The following PHF2 variants were observed in gnomAD, a reference collection of about 807,000 sequenced individuals.
PHF2 encodes lysine-specific demethylase PHF2.
In PHF2, 27 loss-of-function variants were observed where a neutral mutation model predicts 120.5. That is an observed-to-expected ratio of 0.22 (90% CI 0.17 to 0.31). PHF2 has a LOEUF of 0.31. PHF2 is among the 10% of genes least tolerant of loss of function. PHF2 has a pLI of 1.00. For synonymous variants in PHF2, 568 were observed against 592.5 expected (o/e 0.96, Z 0.60); for missense variants, 1,024 against 1,434.8 (o/e 0.71, Z 4.63).
At chr9:93,609,200 C>G (rs1374672679) in intron 1 of PHF2, among the ~76,000 whole-genome samples, 2 of 151,686 alleles carry the variant, frequency 1.3e-5, no homozygotes, top group Non-Finnish European at 2.9e-5. Flanking sequence ...TAATTGTTCC[C>G]TCCCATACCT....
intron 2 of PHF2, among the ~76,000 whole-genome samples, chr9:93,635,968 C>A (rs572132975): frequency 6.6e-6 from 1 of 152,050 alleles, no homozygotes; most frequent in Non-Finnish European, 1.5e-5. Flanking sequence ...CTGACCTGCC[C>A]CTGTCTGTGG....
At chr9:93,642,003 T>C (rs12341865) in intron 3 of PHF2, among the ~76,000 whole-genome samples, 27,821 of 152,232 alleles carry the variant, frequency 0.18, 2,777 homozygotes, top group African/African-American at 0.27. Context: ...CATATGGATA[T>C]CAACTTTTCC....
intron 1 of PHF2, among the ~76,000 whole-genome samples, chr9:93,588,763 T>C (rs1358993348): frequency 2.0e-5 from 3 of 152,158 alleles, no homozygotes; most frequent in Admixed American, 2.0e-4. Context: ...TGTTGGTGGG[T>C]GCCTGTAATC....
intron 1 of PHF2, among the ~76,000 whole-genome samples, chr9:93,602,395 G>C (rs1825458768): frequency 6.6e-6 from 1 of 151,624 alleles, no homozygotes; most frequent in South Asian, 2.1e-4. Context: ...TGGGATTACA[G>C]GCACACACCG....
intron 2 of PHF2, among the ~76,000 whole-genome samples, chr9:93,631,024 A>C (rs912307628): frequency 6.6e-6 from 1 of 152,164 alleles, no homozygotes; most frequent in Non-Finnish European, 1.5e-5. Context: ...GACCCCTCCC[A>C]GTGCCCAGTT....
intron 13 of PHF2, 38 bp downstream of exon 13, chr9:93,663,064 C>T (rs1826606908): frequency 2.5e-6 from 4 of 1,612,318 alleles, no homozygotes; most frequent in Non-Finnish European, 3.4e-6. Context: ...GTGTGTGTGT[C>T]AGCTTGGTGA....
intron 17 of PHF2, among the ~76,000 whole-genome samples, chr9:93,669,246 C>T (rs1826737996): frequency 6.6e-6 from 1 of 152,220 alleles, no homozygotes; most frequent in African/African-American, 2.4e-5. Flanking sequence ...TCTGTCTGGG[C>T]CTTGCAGGCC....
At chr9:93,633,369 C>A (rs574144445) in intron 2 of PHF2, among the ~76,000 whole-genome samples, 1 of 152,350 alleles carries the variant, frequency 6.6e-6, no homozygotes, top group Admixed American at 6.5e-5. Context: ...GCATCCCCAT[C>A]TGATGAGGAA....
chr9:93,613,002 G>A (rs982559975), intron 1 of PHF2, among the ~76,000 whole-genome samples: 1 of 152,226 alleles, frequency 6.6e-6, no homozygotes, highest in East Asian at 1.9e-4. Context: ...CTCTGTAAGC[G>A]AGCACAGCTG....
At chr9:93,577,057 G>A (rs1862833766) in intron 1 of PHF2, among the ~76,000 whole-genome samples, 186 bp downstream of exon 1, 1 of 146,452 alleles carries the variant, frequency 6.8e-6, no homozygotes, top group East Asian at 2.0e-4. Context: ...TTGTGCCCAG[G>A]GCGGGGGCGC....
At chr9:93,673,502 G>A in intron 17 of PHF2, 83 bp from the exon 18 acceptor site, 3 of 1,287,954 alleles carry the variant, frequency 2.3e-6, no homozygotes, top group Non-Finnish European at 3.2e-6. Flanking sequence ...GCAGGAGTTT[G>A]TGCAGGCCAT....
In PHF2 at chr9:93,634,658, A is replaced by G. The variant is rs142113710; in HGVS notation, c.185-1753A>G. ...TGTTGATAGTTATGAAGGCAGATGC[A>G]TCCACCTCTCCTTCCAAGTTGCTCT... On this transcript the variant is annotated intron_variant, in intron 2 of 21. Coordinates refer to ENST00000359246, the MANE Select transcript of PHF2 (RefSeq NM_005392.4). 5.5e-3 allele frequency among the ~76,000 whole-genome samples: 843 copies of G among 152,332 alleles called. 2 individuals carry two copies. Among genetic ancestry groups the G allele is most frequent in the Non-Finnish European group, 9.6e-3 (654 of 68,014 alleles).
In PHF2 at chr9:93,630,010, A is replaced by C. The variant is rs1825973339; in HGVS notation, c.139A>C (p.Ile47Leu). 1.2e-6 allele frequency: 2 copies of C among 1,613,826 alleles called. No homozygotes were observed. The highest frequency in any genetic ancestry group is 1.7e-6 in the Non-Finnish European group (2 of 1,180,040). The change falls in exon 2 of 22, where the codon ATA (isoleucine) becomes CTA (leucine). Residue 47 changes from isoleucine to leucine, a missense_variant. Physicochemically the swap from Ile to Leu is conservative, Grantham distance 5. Coordinates refer to ENST00000359246, the MANE Select transcript of PHF2 (RefSeq NM_005392.4). ...VEEEEAPDID[I>L]YHCPNCEKTH... The stretch of plus-strand genomic sequence containing the variant: ...AGAGGAGGAGGCGCCCGACATCGAC[A>C]TATACCACTGCCCAAACTGTGAGAA...
chr9:93,625,500 CAG>C (rs1275647146), intron 1 of PHF2, among the ~76,000 whole-genome samples: 2 of 96,396 alleles, frequency 2.1e-5, no homozygotes, highest in African/African-American at 4.4e-5. Flanking sequence ...TTTTTGGAGA[CAG>C]AGTCTTGCTT....
At chr9:93,607,512 G>A (rs1413260613) in intron 1 of PHF2, among the ~76,000 whole-genome samples, 2 of 147,320 alleles carry the variant, frequency 1.4e-5, no homozygotes, top group Non-Finnish European at 3.0e-5. Context: ...CAAACTCCTG[G>A]ACTCAAGTGA....
chr9:93,670,977 G>A, intron 17 of PHF2: 1 of 981,714 alleles, frequency 1.0e-6, no homozygotes, highest in Non-Finnish European at 1.2e-6. Flanking sequence ...GAGCTGAGGT[G>A]CAGCTGTGTC....
chr9:93,599,771 G>C (rs1463841685), intron 1 of PHF2, among the ~76,000 whole-genome samples: 1 of 152,244 alleles, frequency 6.6e-6, no homozygotes, highest in Admixed American at 6.5e-5. Context: ...GAGCACGAAA[G>C]GGATTTAGAG....
intron 1 of PHF2, among the ~76,000 whole-genome samples, chr9:93,584,499 A>G (rs187575539): frequency 7.2e-5 from 11 of 152,292 alleles, no homozygotes; most frequent in African/African-American, 1.2e-4. Flanking sequence ...GTTGATGACT[A>G]TTCTTTCTCC....
chr9:93,588,814 C>T (rs1309955225), intron 1 of PHF2, among the ~76,000 whole-genome samples: 1 of 152,194 alleles, frequency 6.6e-6, no homozygotes, highest in African/African-American at 2.4e-5. Flanking sequence ...TCACTTGAAC[C>T]TGGAAGGCAG....
Sources: allele counts gnomAD v4.1 joint callset (sites outside exome capture counted in the v4.1 genomes callset), GRCh38; gene constraint gnomAD v4.1.1; transcripts MANE v1.5; gene names NCBI Gene and HGNC (gene_info 2026-07-23, HGNC 2026-07-21).